SCFD2: variants seen among roughly 807,000 people sequenced by gnomAD.
SCFD2 encodes the protein sec1 family domain containing 2, also known as sec1 family domain-containing protein 2.
SCFD2 carries 54 observed loss-of-function variants against 58.9 expected under a neutral mutation model. That is an observed-to-expected ratio of 0.92 (90% CI 0.74 to 1.15). The LOEUF (loss-of-function observed/expected upper bound fraction) is 1.15, where lower values mean the gene tolerates loss of function less well. SCFD2 is among the 50% of genes most tolerant of loss of function. The pLI, the probability that SCFD2 is intolerant of heterozygous loss-of-function variation, is 0.00. For synonymous variants in SCFD2, 321 were observed against 335.9 expected, an observed-to-expected ratio of 0.96 and a Z score of 0.49; for missense variants, 805 against 836.6, an observed-to-expected ratio of 0.96 and a Z score of 0.47.
In SCFD2 at chr4:53,136,112, G is replaced by C. The variant is rs116654140; in HGVS notation, c.1561+9221C>G. 4.6e-3 allele frequency among the ~76,000 whole-genome samples: 698 copies of C among 152,244 alleles called. 2 individuals carry two copies. The highest frequency in any genetic ancestry group is 0.016 in the African/African-American group (671 of 41,546). ...TATTTATATGTGAGAGTAATATTTA[G>C]TTCATGGATGATACATAAAGCACAC... On this transcript the variant is annotated intron_variant, in intron 5 of 8. Coordinates refer to ENST00000401642, the MANE Select transcript of SCFD2 (RefSeq NM_152540.4).
At chr4:53,245,387 T>C (rs1338682334) in intron 4 of SCFD2, among the ~76,000 whole-genome samples, 1 of 152,024 alleles carries the variant, frequency 6.6e-6, no homozygotes, top group East Asian at 1.9e-4. Flanking sequence ...AATCCAGAAT[T>C]ACATTAAAAA....
chr4:53,150,548 A>G (rs181496443), intron 4 of SCFD2, among the ~76,000 whole-genome samples: 123 of 152,360 alleles, frequency 8.1e-4, no homozygotes, highest in African/African-American at 2.8e-3. Flanking sequence ...GTGACTCCAT[A>G]GATTGAAAAT....
chr4:53,029,529 T>A (rs1722564176), intron 5 of SCFD2, among the ~76,000 whole-genome samples: 1 of 152,238 alleles, frequency 6.6e-6, no homozygotes, highest in South Asian at 2.1e-4. Flanking sequence ...AACTAAAAGA[T>A]GTGTTCATTT....
chr4:53,224,395 A>C (rs1729140208), intron 4 of SCFD2, among the ~76,000 whole-genome samples: 1 of 152,000 alleles, frequency 6.6e-6, no homozygotes, highest in Non-Finnish European at 1.5e-5. Flanking sequence ...TCTCAAAAAA[A>C]AAAAAAAAAG....
At chr4:52,898,120 T>G (rs1719075376) in intron 7 of SCFD2, among the ~76,000 whole-genome samples, 1 of 152,202 alleles carries the variant, frequency 6.6e-6, no homozygotes, top group African/African-American at 2.4e-5. Context: ...GATTCATTGA[T>G]TTTTTGAAGG....
At chr4:53,096,510 T>A (rs1340356054) in intron 5 of SCFD2, among the ~76,000 whole-genome samples, 2 of 152,180 alleles carry the variant, frequency 1.3e-5, no homozygotes, top group African/African-American at 2.4e-5. Context: ...GCTGCATAAA[T>A]GTCTTCTTTT....
chr4:53,063,198 A>T (rs1723563648), intron 5 of SCFD2, among the ~76,000 whole-genome samples: 1 of 152,182 alleles, frequency 6.6e-6, no homozygotes, highest in African/African-American at 2.4e-5. Flanking sequence ...AGTATTTGGA[A>T]TAATGCCTCT....
At chr4:53,329,891 A>C (rs996581445) in intron 2 of SCFD2, among the ~76,000 whole-genome samples, 2 of 152,058 alleles carry the variant, frequency 1.3e-5, no homozygotes, top group African/African-American at 2.4e-5. Flanking sequence ...AATACAGAGA[A>C]GTGCTTAAAG....
At chr4:53,191,667 A>C (rs1319874714) in intron 4 of SCFD2, among the ~76,000 whole-genome samples, 1 of 152,138 alleles carries the variant, frequency 6.6e-6, no homozygotes, top group Non-Finnish European at 1.5e-5. Flanking sequence ...GGCCTCCCAA[A>C]GTGCTGGGAT....
At chr4:53,042,025 CAGG>C (rs1434165893) in intron 5 of SCFD2, among the ~76,000 whole-genome samples, 1 of 152,106 alleles carries the variant, frequency 6.6e-6, no homozygotes, top group Admixed American at 6.6e-5. Flanking sequence ...ACCTAAGAGC[CAGG>C]ACCTGGTCTC....
chr4:53,335,517 T>C (rs1329546690), intron 2 of SCFD2, among the ~76,000 whole-genome samples: 1 of 152,192 alleles, frequency 6.6e-6, no homozygotes, highest in Non-Finnish European at 1.5e-5. Flanking sequence ...TATATATCTA[T>C]ACTCTAATGA....
intron 5 of SCFD2, among the ~76,000 whole-genome samples, chr4:53,070,254 T>C (rs2148848564): frequency 6.6e-6 from 1 of 152,202 alleles, no homozygotes; most frequent in South Asian, 2.1e-4. Context: ...TAAATTAGGA[T>C]TTTTGACATT....
intron 2 of SCFD2, among the ~76,000 whole-genome samples, chr4:53,347,866 C>T (rs938177851): frequency 1.3e-5 from 2 of 152,202 alleles, no homozygotes; most frequent in Non-Finnish European, 2.9e-5. Flanking sequence ...CCAGCAGAAC[C>T]AGCAACACTG....
chr4:53,235,704 A>G (rs1729577908), intron 4 of SCFD2, among the ~76,000 whole-genome samples: 1 of 152,218 alleles, frequency 6.6e-6, no homozygotes, highest in Non-Finnish European at 1.5e-5. Flanking sequence ...CCATTTGTCA[A>G]GATCAAAGTT....
At chr4:52,977,433 G>A (rs1010675331) in intron 5 of SCFD2, among the ~76,000 whole-genome samples, 1 of 152,040 alleles carries the variant, frequency 6.6e-6, no homozygotes, top group Non-Finnish European at 1.5e-5. Flanking sequence ...CTCCTTTCCT[G>A]TAGGCAAGAA....
chr4:53,281,625 G>A (rs931302342), intron 3 of SCFD2, among the ~76,000 whole-genome samples: 14 of 152,198 alleles, frequency 9.2e-5, no homozygotes, highest in Admixed American at 2.0e-4. Context: ...CTCCTCAGGA[G>A]ATGCATCAGA....
rs151290529 is a variant in SCFD2, at chr4:53,049,409, G to T, written c.1561+95924C>A. ...AACAGTGGTATAGTGCATACCATGT[G>T]CTATTCACTGTGCTATGCACTCTTC... On this transcript the variant is annotated intron_variant, in intron 5 of 8. Coordinates refer to ENST00000401642, the MANE Select transcript of SCFD2 (RefSeq NM_152540.4). Among the ~76,000 whole-genome samples the T allele has an allele frequency of 4.2e-3, 637 of 152,328 alleles. 3 individuals are homozygous for T. Among genetic ancestry groups the T allele is most frequent in the Admixed American group, 7.1e-3 (109 of 15,302 alleles).
chr4:53,002,612 G>A (rs1721887792), intron 5 of SCFD2, among the ~76,000 whole-genome samples: 2 of 152,128 alleles, frequency 1.3e-5, no homozygotes, highest in Non-Finnish European at 2.9e-5. Flanking sequence ...TACAGTTTTA[G>A]GCAATGGGTA....
chr4:53,270,838 C>A (rs1312079231), intron 4 of SCFD2, among the ~76,000 whole-genome samples: 3 of 152,072 alleles, frequency 2.0e-5, no homozygotes, highest in Admixed American at 6.6e-5. Flanking sequence ...GATAAACTGA[C>A]AACTAGAACA....
Sources: gnomAD v4.1 joint callset for allele counts (sites outside exome capture counted in the v4.1 genomes callset) on GRCh38, gnomAD v4.1.1 for gene constraint, MANE v1.5 for transcripts, NCBI Gene and HGNC (gene_info 2026-07-23, HGNC 2026-07-21) for gene names.